Variants in PCDHGB3 observed in about 807,000 individuals in gnomAD.
PCDHGB3 encodes the protein protocadherin gamma subfamily B, 3.
PCDHGB3 carries 40 observed loss-of-function variants against 59.2 expected under a neutral mutation model. The observed-to-expected ratio is 0.68, with a 90% CI of 0.52 to 0.88. The LOEUF (loss-of-function observed/expected upper bound fraction) is 0.88, where lower values mean the gene tolerates loss of function less well. Ranked by LOEUF, PCDHGB3 falls within the 40% of genes least tolerant of loss-of-function variation. The pLI, the probability that PCDHGB3 is intolerant of heterozygous loss-of-function variation, is 0.00. For synonymous variants in PCDHGB3, 581 were observed against 503.6 expected (o/e 1.15, Z -2.06); for missense variants, 1,309 against 1,187.9 (o/e 1.10, Z -1.50).
intron 1 of PCDHGB3, among the ~76,000 whole-genome samples, chr5:141,401,910 T>A (rs562648950): frequency 2.1e-4 from 32 of 152,336 alleles, no homozygotes; most frequent in African/African-American, 5.3e-4. Flanking sequence ...AATTATTATA[T>A]AAGTTTAAGT....
intron 1 of PCDHGB3, chr5:141,427,261 C>A (rs903526432): frequency 1.5e-5 from 7 of 456,556 alleles, no homozygotes; most frequent in African/African-American, 4.0e-5. Flanking sequence ...GGAGGCATGA[C>A]CAGCGAATGT....
chr5:141,510,894 A>G, intron 3 of PCDHGB3, 53 bp from the exon 4 acceptor site: 2 of 1,612,850 alleles, frequency 1.2e-6, no homozygotes, highest in Non-Finnish European at 8.5e-7. Flanking sequence ...TAAGACAGTG[A>G]CTGTTGAGGA....
At chr5:141,376,676 G>GTTTTTTTTTTTTTTTTTTTTTTT (rs67197835) in intron 1 of PCDHGB3, 2 of 275,812 alleles carry the variant, frequency 7.3e-6, no homozygotes, top group Admixed American at 6.8e-5. Context: ...TGAGGGTATC[G>GTTTTTTTTTTTTTTTTTTTTTTT]TTTTTTTTTT....
intron 1 of PCDHGB3, chr5:141,387,783 C>A: frequency 6.8e-7 from 1 of 1,467,932 alleles, no homozygotes; most frequent in Non-Finnish European, 9.1e-7. Context: ...TGAACTGGAA[C>A]TGCAACTAAA....
Position 141,394,314 on chromosome 5 carries a change from CT to C in PCDHGB3, c.2415+21506del, listed in dbSNP as rs772070804. On this transcript the variant is annotated intron_variant, in intron 1 of 3. Transcript: ENST00000576222. ...CGAGGACACGCTGCAGGGGGCGCCC[CT>C]GTCCTCGTATATCTCCATCAACTCT... 4.3e-6 allele frequency: 7 copies of C among 1,614,038 alleles called. 1 individual carries two copies. Among genetic ancestry groups the C allele is most frequent in the East Asian group, 4.5e-5 (2 of 44,882 alleles).
At chr5:141,405,442 C>A in intron 1 of PCDHGB3, 1 of 1,378,146 alleles carries the variant, frequency 7.3e-7, no homozygotes, top group Non-Finnish European at 1.0e-6. Context: ...GTTTTTGAGA[C>A]AGAGTCTTAC....
intron 1 of PCDHGB3, chr5:141,417,773 T>C: frequency 6.9e-7 from 1 of 1,458,374 alleles, no homozygotes; most frequent in South Asian, 1.4e-5. Context: ...GGACTCCTCC[T>C]GTCCTGGGCC....
chr5:141,395,538 TTGTTTG>T (rs1338769311), intron 1 of PCDHGB3: 4 of 225,774 alleles, frequency 1.8e-5, no homozygotes, highest in African/African-American at 1.7e-4. Flanking sequence ...AATTTTGCTA[TTGTTTG>T]TGTGTGTGTG....
chr5:141,427,105 A>C (rs1413188668), intron 1 of PCDHGB3: 1 of 457,776 alleles, frequency 2.2e-6, no homozygotes, highest in Non-Finnish European at 4.4e-6. Flanking sequence ...GTCAATGCGG[A>C]GATCACCTAC....
intron 1 of PCDHGB3, among the ~76,000 whole-genome samples, chr5:141,469,803 A>G (rs1326367314): frequency 6.6e-6 from 1 of 152,174 alleles, no homozygotes; most frequent in Non-Finnish European, 1.5e-5. Context: ...TTGCAAAAAC[A>G]TTGTAGATAG....
chr5:141,421,362 C>T (rs2096566609), intron 1 of PCDHGB3: 1 of 1,613,998 alleles, frequency 6.2e-7, no homozygotes, highest in African/African-American at 1.3e-5. Context: ...AGGGCTCCTT[C>T]GTGGGCAATA....
intron 1 of PCDHGB3, among the ~76,000 whole-genome samples, chr5:141,407,382 A>G (rs1158380926): frequency 6.6e-6 from 1 of 152,218 alleles, no homozygotes; most frequent in Non-Finnish European, 1.5e-5. Context: ...GAAGGCTTGT[A>G]TGTCATGGTA....
In PCDHGB3 at chr5:141,476,177, C is replaced by T. The variant is rs1221752964; in HGVS notation, c.2416-18630C>T. On this transcript the variant is annotated intron_variant, in intron 1 of 3. Transcript: ENST00000576222. The surrounding 1 kb of genome is among the most constrained non-coding windows in gnomAD (Gnocchi z 7.6). ...CACCGGGAGGGTAGTGGGAGTTTTG[C>T]TTCTGCTTGGTGCCTTGAACAAGGC... 6.2e-7 allele frequency: 1 copy of T among 1,613,436 alleles called. No individual in the cohort carries two copies. Among genetic ancestry groups the T allele is most frequent in the Non-Finnish European group, 8.5e-7 (1 of 1,179,944 alleles).
intron 1 of PCDHGB3, 115 bp from the exon 2 acceptor site, chr5:141,494,692 C>G: frequency 6.3e-7 from 1 of 1,581,934 alleles, no homozygotes; most frequent in South Asian, 1.1e-5. Context: ...CCTCTTAGTC[C>G]GTTTTCTTCT....
chr5:141,446,988 C>T (rs548721486), intron 1 of PCDHGB3, among the ~76,000 whole-genome samples: 1 of 152,154 alleles, frequency 6.6e-6, no homozygotes, highest in Non-Finnish European at 1.5e-5. Flanking sequence ...TCATACTCCA[C>T]TCTTCAGACT....
rs1243958567 is a variant in PCDHGB3, at chr5:141,418,557, T to C, written c.2415+45748T>C. 4.3e-6 allele frequency: 7 copies of C among 1,613,860 alleles called. No homozygotes were observed. The East Asian group carries it at 1.6e-4, about 36-fold the overall frequency. On this transcript the variant is annotated intron_variant, in intron 1 of 3. Coordinates refer to ENST00000576222, the MANE Select transcript of PCDHGB3 (RefSeq NM_018924.5). ...ACTGCTCAGATAAGAATCCTGGTAA[T>C]AGATGCCAATGACAACCCCCCAGTG... is the stretch of plus-strand genomic sequence containing the variant.
intron 1 of PCDHGB3, chr5:141,478,291 C>T: frequency 1.9e-6 from 3 of 1,614,144 alleles, no homozygotes; most frequent in East Asian, 2.2e-5. Context: ...AGTCTAGAGA[C>T]CTATACCGAG....
chr5:141,374,798 A>C (rs1471175480), intron 1 of PCDHGB3: 3 of 1,613,784 alleles, frequency 1.9e-6, no homozygotes, highest in Non-Finnish European at 2.5e-6. Context: ...GAATGACAAC[A>C]CTCCAATGTT....
chr5:141,389,560 G>T (rs1323439261), intron 1 of PCDHGB3: 5 of 1,613,224 alleles, frequency 3.1e-6, no homozygotes, highest in Non-Finnish European at 4.2e-6. Flanking sequence ...AATGCGCCAC[G>T]GGTGCTGTAC....
Sources: gnomAD v4.1 joint callset for allele counts (sites outside exome capture counted in the v4.1 genomes callset) on GRCh38, gnomAD v4.1.1 for gene constraint, Gnocchi (gnomAD v3.1) non-coding constraint, MANE v1.5 for transcripts, NCBI Gene and HGNC (gene_info 2026-07-23, HGNC 2026-07-21) for gene names.